TRIO: variants seen among roughly 807,000 people sequenced by gnomAD.
TRIO encodes the protein triple functional domain protein.
Under a neutral mutation model 351.9 loss-of-function variants are expected in TRIO, and 58 were observed. The ratio of observed to expected loss-of-function variants is 0.16; its 90% CI spans 0.13 to 0.21. TRIO has a LOEUF of 0.21. Among genes scored for constraint, TRIO ranks in the 10% least tolerant of loss-of-function variants. TRIO has a pLI of 1.00. For missense variants in TRIO, 3,201 were observed against 4,027.8 expected (o/e 0.79, Z 5.56); for synonymous variants, 1,758 against 1,595.7 (o/e 1.10, Z -2.42).
intron 1 of TRIO, chr5:14,183,958 A>T: frequency 1.4e-6 from 1 of 698,278 alleles, no homozygotes; most frequent in South Asian, 1.5e-5. Flanking sequence ...ACATGGCAGA[A>T]GGTAAGGATG....
rs1293710774 is a variant in TRIO at position 14,485,125 on chromosome 5, G to A, written c.6714G>A (p.Leu2238=). The change falls in exon 47 of 57, where the codon CTG becomes CTA. Residue 2238 remains leucine (L), a synonymous_variant. Coordinates refer to ENST00000344204, the MANE Select transcript of TRIO (RefSeq NM_007118.4). The part of the protein sequence containing the change: ...NVENDPCKFA[L]TSRTGDVVET... ...AAAATGATCCCTGTAAATTTGCTCTGACATCGAGGACGGGTGACGTGGTAG... is the reference window on the plus strand; with the variant it reads ...AAAATGATCCCTGTAAATTTGCTCTAACATCGAGGACGGGTGACGTGGTAG... 6.3e-7 allele frequency: 1 copy of A among 1,585,620 alleles called. No individual in the cohort carries two copies. The highest frequency in any genetic ancestry group is 2.3e-5 in the East Asian group (1 of 44,150).
At position 14,461,320 on chromosome 5, in the gene TRIO, C is replaced by G. The variant is rs1439843767; in HGVS notation, c.5496+9C>G. The G allele has an allele frequency of 1.3e-6, 2 of 1,546,634 alleles. No individual in the cohort carries two copies. The highest frequency in any genetic ancestry group is 1.7e-6 in the Non-Finnish European group (2 of 1,146,884). On this transcript the variant is annotated intron_variant, in intron 35 of 56. Transcript: ENST00000344204. ...ACGAGACGGTCGAGGAGGTGAGGCT[C>G]TGCCCGCTGGTTGGGGCCGGCGTGG...
intron 6 of TRIO, among the ~76,000 whole-genome samples, chr5:14,295,368 T>C (rs1009043047): frequency 5.9e-5 from 9 of 152,252 alleles, no homozygotes; most frequent in African/African-American, 2.2e-4. Flanking sequence ...ATGTCCAGGC[T>C]GTAGATTTAG....
rs1756965015 is a variant in TRIO, at chr5:14,497,262, T to TAG, written c.8019+246_8019+247insGA. ...CTTCCGCAGGTGCACATGTGGCTTCTAAAGAATATGGTTAGGTTTGCAAAT... is the reference window on the plus strand; with the variant it reads ...CTTCCGCAGGTGCACATGTGGCTTCTAGAAAGAATATGGTTAGGTTTGCAAAT... On this transcript the variant is annotated intron_variant, in intron 50 of 56. Coordinates refer to ENST00000344204, the MANE Select transcript of TRIO (RefSeq NM_007118.4). This position sits in a 1 kb window ranked among gnomAD's most constrained non-coding sequence, Gnocchi z 4.4. Among the ~76,000 whole-genome samples the TAG allele has an allele frequency of 2.0e-5, 3 of 152,286 alleles. No homozygotes were observed. The highest frequency in any genetic ancestry group is 7.2e-5 in the African/African-American group (3 of 41,550).
rs111942635 is a variant in TRIO, at chr5:14,359,203, T to C, written c.2217-154T>C. Among the ~76,000 whole-genome samples the C allele has an allele frequency of 2.4e-3, 360 of 152,360 alleles. 1 individual carries two copies. Among genetic ancestry groups the C allele is most frequent in the African/African-American group, 8.4e-3 (350 of 41,580 alleles). On this transcript the variant is annotated intron_variant, in intron 12 of 56. Transcript: ENST00000344204. The stretch of plus-strand genomic sequence containing the variant: ...ATTGCCCCGAGGAGGAAGCCTAATA[T>C]TGTTTTGCAGGAGAGCAGCCCGTTC...
chr5:14,163,442 G>A (rs1022691678), intron 1 of TRIO, among the ~76,000 whole-genome samples: 7 of 152,098 alleles, frequency 4.6e-5, no homozygotes, highest in African/African-American at 1.2e-4. Context: ...GGCTGGTCTC[G>A]AACCACCTGC....
Position 14,401,208 on chromosome 5 carries a change from A to G in TRIO, c.4716+144A>G, listed in dbSNP as rs535662723. The stretch of plus-strand genomic sequence containing the variant: ...TCTATTCAGATTGGTGACTACCACA[A>G]AAAGAATAGTGGAATAAATTCAGTT... On this transcript the variant is annotated intron_variant, in intron 31 of 56. Transcript: ENST00000344204. 1.4e-5 allele frequency: 9 copies of G among 656,048 alleles called. No individual in the cohort carries two copies. In the African/African-American group the frequency reaches 1.5e-4, roughly 11 times the overall value. The allele number at this position is 656,048 out of a possible 1,614,324, so 40.6% of individuals were successfully genotyped here.
chr5:14,316,881 A>C (rs1388832975), intron 9 of TRIO, 138 bp downstream of exon 9: 1 of 1,030,180 alleles, frequency 9.7e-7, no homozygotes, highest in Non-Finnish European at 1.4e-6. Flanking sequence ...TGTTGAATGT[A>C]AGTGAAAACT....
At chr5:14,364,931 A>G in intron 15 of TRIO, 115 bp downstream of exon 15, 1 of 1,311,390 alleles carries the variant, frequency 7.6e-7, no homozygotes, top group Non-Finnish European at 1.0e-6. Flanking sequence ...CTCAGAACAC[A>G]GCTTTCCTGA....
intron 1 of TRIO, among the ~76,000 whole-genome samples, chr5:14,217,793 G>A (rs552865687): frequency 2.6e-5 from 4 of 152,156 alleles, no homozygotes; most frequent in East Asian, 1.9e-4. Flanking sequence ...GTCGCAGCAC[G>A]TGTGGGGCAG....
At chr5:14,318,462 A>G in intron 9 of TRIO, among the ~76,000 whole-genome samples, 1 of 152,000 alleles carries the variant, frequency 6.6e-6, no homozygotes, top group Non-Finnish European at 1.5e-5. Context: ...CTCAAAAAAA[A>G]AAAAAAAAAG....
rs568593269 is a variant in TRIO at position 14,285,352 on chromosome 5, G to A, written c.348-1519G>A. Among the ~76,000 whole-genome samples the A allele has an allele frequency of 1.8e-4, 28 of 152,084 alleles. No homozygotes were observed. In the South Asian group the frequency reaches 5.6e-3, roughly 30 times the overall value. On this transcript the variant is annotated intron_variant, in intron 3 of 56. Transcript: ENST00000344204. ...CACTGTGCTCCTCTGACTGTGAGCCGCCTTCTGATTGGGTCCTACTGCTGG... is the reference window on the plus strand; with the variant it reads ...CACTGTGCTCCTCTGACTGTGAGCCACCTTCTGATTGGGTCCTACTGCTGG...
chr5:14,252,342 G>T (rs1794793767), intron 1 of TRIO, among the ~76,000 whole-genome samples: 1 of 152,180 alleles, frequency 6.6e-6, no homozygotes, highest in South Asian at 2.1e-4. Flanking sequence ...CTTCCTGCCT[G>T]CAGGCTTGCC....
At chr5:14,498,777 G>C in intron 53 of TRIO, 137 bp downstream of exon 53, 1 of 1,376,490 alleles carries the variant, frequency 7.3e-7, no homozygotes, top group Non-Finnish European at 1.0e-6. Context: ...GGCTTCAAAA[G>C]ACAGTTGTAA....
At chr5:14,347,490 C>T (rs1463341680) in intron 11 of TRIO, among the ~76,000 whole-genome samples, 1 of 152,238 alleles carries the variant, frequency 6.6e-6, no homozygotes, top group Non-Finnish European at 1.5e-5. Flanking sequence ...CTCCACGTAA[C>T]CTATTCAGGA....
chr5:14,292,744 G>T (rs983483061), intron 5 of TRIO, among the ~76,000 whole-genome samples: 1 of 152,188 alleles, frequency 6.6e-6, no homozygotes, highest in Non-Finnish European at 1.5e-5. Flanking sequence ...TAATCAGCCT[G>T]GGGGATTAGA....
rs397319 is a variant in TRIO at position 14,405,652 on chromosome 5, A to T, written c.4717-196A>T. 0.24 allele frequency among the ~76,000 whole-genome samples: 36,016 copies of T among 152,172 alleles called. 4,729 individuals carry two copies. The highest frequency in any genetic ancestry group is 0.37 in the Middle Eastern group (110 of 294). ...GGAGTAATATACGTGCTATAAAACA[A>T]AAAAGGTTTTGATGAAAACGTATTT... is the stretch of plus-strand genomic sequence containing the variant. On this transcript the variant is annotated intron_variant, in intron 31 of 56. Transcript: ENST00000344204.
intron 1 of TRIO, among the ~76,000 whole-genome samples, chr5:14,217,116 G>T (rs539196173): frequency 6.6e-6 from 1 of 152,148 alleles, no homozygotes; most frequent in Non-Finnish European, 1.5e-5. Context: ...TCTGATCACC[G>T]GTCTTTTACA....
chr5:14,200,441 C>T (rs1053819906), intron 1 of TRIO, among the ~76,000 whole-genome samples: 1 of 152,148 alleles, frequency 6.6e-6, no homozygotes, highest in Non-Finnish European at 1.5e-5. Flanking sequence ...TTTGGTCTCC[C>T]CTGTAAGACA....
Sources: gnomAD v4.1 joint callset for allele counts (sites outside exome capture counted in the v4.1 genomes callset) on GRCh38, gnomAD v4.1.1 for gene constraint, Gnocchi (gnomAD v3.1) non-coding constraint, MANE v1.5 for transcripts, NCBI Gene and HGNC (gene_info 2026-07-23, HGNC 2026-07-21) for gene names.